The following POU3F3 variants were observed in gnomAD, a reference collection of about 807,000 sequenced individuals.
The protein encoded by POU3F3 is POU domain, class 3, transcription factor 3.
In POU3F3, 1 loss-of-function variant was observed where a neutral mutation model predicts 8.6. That is an observed-to-expected ratio of 0.12 (90% CI 0.04 to 0.55). The LOEUF (loss-of-function observed/expected upper bound fraction) is 0.55. Among genes scored for constraint, POU3F3 ranks in the 20% least tolerant of loss-of-function variants. The probability of loss-of-function intolerance (pLI) is 0.91; values close to 1 mark genes in which losing one functional copy is unlikely to be tolerated. For synonymous variants in POU3F3, 418 were observed against 327.4 expected, an observed-to-expected ratio of 1.28 and a Z score of -2.99; for missense variants, 577 against 690.7, an observed-to-expected ratio of 0.84 and a Z score of 1.84.
the POU3F3 span, among the ~76,000 whole-genome samples, chr2:104,869,501 AG>A: frequency 6.6e-6 from 1 of 152,160 alleles, no homozygotes; most frequent in Non-Finnish European, 1.5e-5. Context: ...AGGTAAGTGG[AG>A]GGGGTGCCAG....
At chr2:104,873,179 T>G in the POU3F3 span, among the ~76,000 whole-genome samples, 1 of 152,190 alleles carries the variant, frequency 6.6e-6, no homozygotes, top group Non-Finnish European at 1.5e-5. Context: ...GCAGCGGCTG[T>G]GAGCGCTGGG....
At chr2:104,904,800 C>T in the POU3F3 span, among the ~76,000 whole-genome samples, 1 of 152,076 alleles carries the variant, frequency 6.6e-6, no homozygotes, top group Admixed American at 6.6e-5. Context: ...GACTGAAGCT[C>T]TTAAGGCTGT....
At chr2:104,870,413 T>A in the POU3F3 span, among the ~76,000 whole-genome samples, 1 of 152,194 alleles carries the variant, frequency 6.6e-6, no homozygotes, top group African/African-American at 2.4e-5. Flanking sequence ...CACTAGCAGC[T>A]CAGGTTTCTG....
chr2:104,871,323 C>T, the POU3F3 span, among the ~76,000 whole-genome samples: 1 of 152,212 alleles, frequency 6.6e-6, no homozygotes, highest in African/African-American at 2.4e-5. Context: ...CCATGAATAC[C>T]TACTGGAGAA....
At chr2:104,896,765 G>A in the POU3F3 span, among the ~76,000 whole-genome samples, 10 of 152,180 alleles carry the variant, frequency 6.6e-5, no homozygotes, top group Non-Finnish European at 1.3e-4. Context: ...CCTGTGCCCC[G>A]CCTCTCCTGG....
chr2:104,863,768 C>T, the POU3F3 span, among the ~76,000 whole-genome samples: 5 of 152,204 alleles, frequency 3.3e-5, no homozygotes, highest in Non-Finnish European at 7.3e-5. Flanking sequence ...GAAGGAGATG[C>T]GCTGACTTGT....
At chr2:104,861,375 G>T (rs1676653158), downstream of POU3F3, among the ~76,000 whole-genome samples, 1 of 152,146 alleles carries the variant, frequency 6.6e-6, no homozygotes, top group African/African-American at 2.4e-5. Flanking sequence ...TTATTTAAAA[G>T]GTGGACCTGA....
downstream of POU3F3, among the ~76,000 whole-genome samples, chr2:104,860,635 G>T (rs1293191207): frequency 6.6e-6 from 1 of 151,882 alleles, no homozygotes; most frequent in African/African-American, 2.4e-5. Context: ...GTCTCCTGTG[G>T]CTCTTGATCA....
chr2:104,908,383 A>G, the POU3F3 span, among the ~76,000 whole-genome samples: 1 of 152,252 alleles, frequency 6.6e-6, no homozygotes, highest in Admixed American at 6.5e-5. Flanking sequence ...ATAACATGGT[A>G]AAACAGTGAT....
chr2:104,857,138 G>C lies in POU3F3; in HGVS notation c.*125G>C. 1.1e-6 allele frequency: 1 copy of C among 940,766 alleles called. No individual in the cohort carries two copies. The highest frequency in any genetic ancestry group is 4.7e-5 in the South Asian group (1 of 21,264). 58.3% of individuals were successfully genotyped at this position (940,766 alleles called of 1,614,324 possible). On this transcript the variant is annotated 3_prime_UTR_variant, in exon 1 of 1. Transcript: ENST00000361360. ...CCGCTGCCGCCGCCGCGCCGACCCT[G>C]CACCTGGGCCGCTCCGGGCTCCAGC...
chr2:104,914,300 T>C, the POU3F3 span, among the ~76,000 whole-genome samples: 2 of 152,216 alleles, frequency 1.3e-5, no homozygotes, highest in Admixed American at 6.5e-5. Flanking sequence ...TAGTTGTTGA[T>C]GTAAAATCTT....
At chr2:104,904,263 T>C in the POU3F3 span, among the ~76,000 whole-genome samples, 1 of 152,028 alleles carries the variant, frequency 6.6e-6, no homozygotes, top group African/African-American at 2.4e-5. Context: ...TATCAGAGAG[T>C]GAACCATTAA....
chr2:104,903,506 A>T, the POU3F3 span, among the ~76,000 whole-genome samples: 1 of 152,204 alleles, frequency 6.6e-6, no homozygotes, highest in South Asian at 2.1e-4. Context: ...TGCACGCTTT[A>T]TGTGTGCTGT....
At chr2:104,877,660 C>CTTT in the POU3F3 span, among the ~76,000 whole-genome samples, 3 of 138,832 alleles carry the variant, frequency 2.2e-5, no homozygotes, top group Non-Finnish European at 3.1e-5. Flanking sequence ...TTCTTTTTTT[C>CTTT]TTTTTTTTTT....
At chr2:104,906,793 C>T in the POU3F3 span, among the ~76,000 whole-genome samples, 1 of 152,128 alleles carries the variant, frequency 6.6e-6, no homozygotes, top group African/African-American at 2.4e-5. Context: ...CTCTGAATTA[C>T]ACCCCATTTC....
the POU3F3 span, among the ~76,000 whole-genome samples, chr2:104,894,458 C>T: frequency 6.6e-6 from 1 of 152,146 alleles, no homozygotes; most frequent in Non-Finnish European, 1.5e-5. Flanking sequence ...CCGGTCACAG[C>T]CCCATGGTTG....
At chr2:104,920,149 G>T in the POU3F3 span, among the ~76,000 whole-genome samples, 1 of 152,148 alleles carries the variant, frequency 6.6e-6, no homozygotes, top group Admixed American at 6.5e-5. Context: ...CGAGCACCTG[G>T]AATTACAGGC....
Position 104,856,620 on chromosome 2 carries a change from C to T in POU3F3, c.1110C>T (p.Phe370=), listed in dbSNP as rs1303877554. 1.9e-6 allele frequency: 3 copies of T among 1,614,196 alleles called. No individual in the cohort carries two copies. The South Asian group carries it at 3.3e-5, about 18-fold the overall frequency. The change falls in exon 1 of 1, where the codon TTC becomes TTT. Residue 370 remains phenylalanine (F), a synonymous_variant. Coordinates refer to ENST00000361360, the MANE Select transcript of POU3F3 (RefSeq NM_006236.3). ...GCTTCGAGGCCCTGCAGCTGAGCTT[C>T]AAGAACATGTGCAAGCTCAAGCCGC... ...ICRFEALQLS[F]KNMCKLKPLL... is the part of the protein sequence containing the mutation.
At chr2:104,902,240 G>C in the POU3F3 span, among the ~76,000 whole-genome samples, 1,707 of 152,212 alleles carry the variant, frequency 0.011, 36 homozygotes, top group African/African-American at 0.039. Flanking sequence ...TTTTAAGCCA[G>C]TCTCTTCATC....
Sources: allele counts gnomAD v4.1 joint callset (sites outside exome capture counted in the v4.1 genomes callset), GRCh38; gene constraint gnomAD v4.1.1; transcripts MANE v1.5; gene names NCBI Gene and HGNC (gene_info 2026-07-23, HGNC 2026-07-21).